PCDH9: variants seen among roughly 807,000 people sequenced by gnomAD.
PCDH9 encodes protocadherin-9.
In PCDH9, 24 loss-of-function variants were observed where a neutral mutation model predicts 70.6. The ratio of observed to expected loss-of-function variants is 0.34; its 90% confidence interval spans 0.25 to 0.48. The LOEUF is 0.48. Ranked by LOEUF, PCDH9 falls within the 20% of genes least tolerant of loss-of-function variation. The pLI is 0.99. For missense variants in PCDH9, 1,281 were observed against 1,503.6 expected (o/e 0.85, Z 2.45); for synonymous variants, 562 against 558.5 (o/e 1.01, Z -0.09).
chr13:66,777,814 T>C (rs1311449770), intron 3 of PCDH9, among the ~76,000 whole-genome samples: 6 of 152,102 alleles, frequency 3.9e-5, no homozygotes, highest in Admixed American at 3.9e-4. Flanking sequence ...ATCATGCTGC[T>C]ATAAAGACAC....
intron 4 of PCDH9, among the ~76,000 whole-genome samples, chr13:66,473,080 G>C (rs1477034087): frequency 2.0e-5 from 3 of 151,876 alleles, no homozygotes; most frequent in Non-Finnish European, 2.9e-5. Flanking sequence ...CTGACAGTTG[G>C]AGTTTCACAT....
At chr13:66,761,501 C>T (rs2079627283) in intron 3 of PCDH9, among the ~76,000 whole-genome samples, 1 of 152,122 alleles carries the variant, frequency 6.6e-6, no homozygotes. Flanking sequence ...TCTTCTGATG[C>T]TGTCCCATTA....
chr13:67,092,956 AG>A (rs1011326151), intron 2 of PCDH9, among the ~76,000 whole-genome samples: 1 of 149,640 alleles, frequency 6.7e-6, no homozygotes, highest in African/African-American at 2.4e-5. Context: ...AATGTAAAGA[AG>A]GGGGAAAAAA....
intron 2 of PCDH9, among the ~76,000 whole-genome samples, chr13:66,948,810 G>T (rs1379064934): frequency 6.6e-6 from 1 of 152,038 alleles, no homozygotes; most frequent in Non-Finnish European, 1.5e-5. Context: ...TTCATTACAA[G>T]AATATATTTG....
chr13:66,304,849 C>A lies in PCDH9; in HGVS notation c.3520G>T (p.Val1174Leu), dbSNP rs1231775204. 1 of 1,613,568 alleles carries A rather than the reference C, an allele frequency of 6.2e-7. No individual in the cohort carries two copies. The highest frequency in any genetic ancestry group is 8.5e-7 in the Non-Finnish European group (1 of 1,179,740). The change falls in exon 5 of 5, where the codon GTG becomes TTG. Residue 1174 changes from valine (V) to leucine (L), a missense_variant. By Grantham distance (32) the Val-to-Leu change is conservative. Transcript: ENST00000377865. ...GCTCTGGTCAGGGTGTGCCCATTCA[C>A]AAGCTTGTCCTTCTTCACCCATTCT... ...QKEWVKKDKL[V>L]NGHTLTRAWK... is the part of the protein sequence containing the mutation.
intron 4 of PCDH9, among the ~76,000 whole-genome samples, chr13:66,565,929 A>G (rs1161033504): frequency 6.6e-6 from 1 of 152,192 alleles, no homozygotes; most frequent in African/African-American, 2.4e-5. Context: ...GAGCCTAAAT[A>G]AAACAAGAGA....
At position 66,445,803 on chromosome 13, in the gene PCDH9, ATATAT is replaced by A. The variant is rs1353374823; in HGVS notation, c.3341-140780_3341-140776del. Among the ~76,000 whole-genome samples, 9 of 118,224 alleles carry A rather than the reference ATATAT, an allele frequency of 7.6e-5. No homozygotes were observed. In the East Asian group the frequency reaches 1.1e-3, roughly 15 times the overall value. The allele number at this position is 118,224 out of a possible 152,430, so 77.6% of individuals were successfully genotyped here. On this transcript the variant is annotated intron_variant, in intron 4 of 4. Transcript: ENST00000377865. ...ATATACACATATATAATACATACACATATATTATATATACACATATATACACACAC... is the reference window on the plus strand; with the variant it reads ...ATATACACATATATAATACATACACATATATATACACATATATACACACAC...
intron 3 of PCDH9, chr13:66,782,612 T>C (rs1467551373): frequency 1.3e-5 from 2 of 152,174 alleles, no homozygotes; most frequent in East Asian, 3.8e-4. Context: ...AAGATTCAAT[T>C]AATATATTAT....
At chr13:66,785,821 G>A (rs941401996) in intron 3 of PCDH9, among the ~76,000 whole-genome samples, 1 of 150,310 alleles carries the variant, frequency 6.7e-6, no homozygotes, top group East Asian at 2.0e-4. Flanking sequence ...ACTGATTATT[G>A]TGAAGACTTT....
chr13:66,528,946 G>A (rs1384433426), intron 4 of PCDH9, among the ~76,000 whole-genome samples: 3 of 151,994 alleles, frequency 2.0e-5, no homozygotes, highest in Admixed American at 6.6e-5. Context: ...GAAAATTCAC[G>A]TGGGAAACAA....
intron 3 of PCDH9, among the ~76,000 whole-genome samples, chr13:66,784,218 T>A (rs2080043927): frequency 6.6e-6 from 1 of 152,100 alleles, no homozygotes; most frequent in South Asian, 2.1e-4. Flanking sequence ...CCTACCAATA[T>A]CCCTTATATT....
intron 4 of PCDH9, among the ~76,000 whole-genome samples, chr13:66,526,859 C>G (rs1205122648): frequency 1.3e-5 from 2 of 152,046 alleles, no homozygotes; most frequent in Non-Finnish European, 2.9e-5. Context: ...ACATGATAAA[C>G]CTACACAATA....
At chr13:66,574,287 G>A (rs2076780320) in intron 4 of PCDH9, among the ~76,000 whole-genome samples, 1 of 152,126 alleles carries the variant, frequency 6.6e-6, no homozygotes, top group African/African-American at 2.4e-5. Flanking sequence ...ACCAGCTTCA[G>A]TCTCCTCAAA....
intron 4 of PCDH9, among the ~76,000 whole-genome samples, chr13:66,571,643 T>G (rs1182473230): frequency 1.3e-5 from 2 of 152,094 alleles, no homozygotes; most frequent in Non-Finnish European, 2.9e-5. Context: ...GACTGTTGTT[T>G]TTGTATAATT....
At chr13:66,797,100 AG>A (rs1194499190) in intron 3 of PCDH9, among the ~76,000 whole-genome samples, 1 of 152,180 alleles carries the variant, frequency 6.6e-6, no homozygotes, top group East Asian at 1.9e-4. Context: ...GAAATAATTA[AG>A]GGGATAGTTC....
At chr13:67,213,137 G>T (rs996524497) in intron 2 of PCDH9, 11 of 142,382 alleles carry the variant, frequency 7.7e-5, no homozygotes, top group African/African-American at 2.9e-4. Flanking sequence ...CTTGAACCCG[G>T]GAGGCGGAGC....
At chr13:66,736,649 C>T (rs1278724437) in intron 3 of PCDH9, among the ~76,000 whole-genome samples, 40 of 152,202 alleles carry the variant, frequency 2.6e-4, no homozygotes, top group Non-Finnish European at 4.4e-5. Flanking sequence ...AGCACAATTG[C>T]TTGTTCAGGC....
intron 3 of PCDH9, among the ~76,000 whole-genome samples, chr13:66,658,867 A>G (rs1274572768): frequency 6.6e-6 from 1 of 152,200 alleles, no homozygotes; most frequent in Non-Finnish European, 1.5e-5. Context: ...TGGTGACTAC[A>G]TTAAGAGTTT....
At chr13:66,641,744 G>C (rs2077711840) in intron 3 of PCDH9, among the ~76,000 whole-genome samples, 1 of 152,070 alleles carries the variant, frequency 6.6e-6, no homozygotes, top group African/African-American at 2.4e-5. Flanking sequence ...GAGAGATATA[G>C]GTAGTTAAGT....
Sources: gnomAD v4.1 joint callset for allele counts (sites outside exome capture counted in the v4.1 genomes callset) on GRCh38, gnomAD v4.1.1 for gene constraint, MANE v1.5 for transcripts, NCBI Gene and HGNC (gene_info 2026-07-23, HGNC 2026-07-21) for gene names.